The following SYT1 variants were observed in gnomAD, a reference collection of about 807,000 sequenced individuals.
SYT1 encodes synaptotagmin-1.
SYT1 carries 8 observed loss-of-function variants against 44.8 expected under a neutral mutation model. The ratio of observed to expected loss-of-function variants is 0.18; its 90% CI spans 0.10 to 0.32. The LOEUF is 0.32. SYT1 is among the 10% of genes least tolerant of loss of function. The pLI is 1.00. For missense variants in SYT1, 286 were observed against 509.3 expected, an observed-to-expected ratio of 0.56 and a Z score of 4.22; for synonymous variants, 154 against 188.8, an observed-to-expected ratio of 0.82 and a Z score of 1.51.
chr12:79,283,510 T>C (rs181512581), intron 4 of SYT1, among the ~76,000 whole-genome samples: 80 of 152,292 alleles, frequency 5.3e-4, no homozygotes, highest in African/African-American at 1.9e-3. Context: ...TAAGAGACTT[T>C]TATGTAGCTC....
At chr12:79,437,354 A>G (rs1458995097) in intron 9 of SYT1, among the ~76,000 whole-genome samples, 1 of 152,168 alleles carries the variant, frequency 6.6e-6, no homozygotes, top group South Asian at 2.1e-4. Context: ...GAAAGAGAGA[A>G]ATCACCAGAG....
chr12:79,090,876 T>C (rs1239629815), intron 3 of SYT1, among the ~76,000 whole-genome samples: 1 of 151,738 alleles, frequency 6.6e-6, no homozygotes, highest in Non-Finnish European at 1.5e-5. Flanking sequence ...TCAAAAAGAG[T>C]AGATGGTAAC....
rs376706533 is a variant in SYT1 at position 79,307,640 on chromosome 12, G to T, written c.810+8089G>T. On this transcript the variant is annotated intron_variant, in intron 8 of 10. Coordinates refer to ENST00000261205, the MANE Select transcript of SYT1 (RefSeq NM_005639.3). ...TGGGGGTGGGGGTGGGGGGGCGTGG[G>T]GGGGGGCGGCAGGAGGAGCCCGAAC... 8.0e-3 allele frequency among the ~76,000 whole-genome samples: 1,191 copies of T among 148,374 alleles called. 17 individuals carry two copies. The highest frequency in any genetic ancestry group is 0.029 in the African/African-American group (1,122 of 38,306).
intron 3 of SYT1, among the ~76,000 whole-genome samples, chr12:79,181,895 C>G (rs1447237235): frequency 6.6e-6 from 1 of 151,906 alleles, no homozygotes; most frequent in Non-Finnish European, 1.5e-5. Context: ...TTTTCTCTTT[C>G]TCCTAGACAA....
chr12:79,242,379 G>A (rs909971184), intron 4 of SYT1, among the ~76,000 whole-genome samples: 1 of 152,100 alleles, frequency 6.6e-6, no homozygotes, highest in Non-Finnish European at 1.5e-5. Flanking sequence ...GTCTACTTTG[G>A]ATTGTGTGAG....
chr12:79,392,632 A>T (rs1034785120), intron 9 of SYT1: 1 of 152,160 alleles, frequency 6.6e-6, no homozygotes, highest in Admixed American at 6.5e-5. Context: ...ACAAATGTTT[A>T]TGTCTGATGA....
intron 3 of SYT1, among the ~76,000 whole-genome samples, chr12:79,208,683 G>A (rs1198738331): frequency 2.0e-5 from 3 of 152,154 alleles, no homozygotes; most frequent in African/African-American, 7.2e-5. Flanking sequence ...TCTTAGGAAA[G>A]GCAGCTGGTG....
intron 3 of SYT1, among the ~76,000 whole-genome samples, chr12:79,168,369 G>T (rs906867945): frequency 5.9e-5 from 9 of 151,868 alleles, no homozygotes; most frequent in Non-Finnish European, 1.2e-4. Context: ...AAATGCTTGG[G>T]TCTCAAAAAA....
chr12:78,890,270 T>C (rs920108893), intron 1 of SYT1, among the ~76,000 whole-genome samples: 1 of 151,950 alleles, frequency 6.6e-6, no homozygotes, highest in African/African-American at 2.4e-5. Flanking sequence ...ACTCACATCA[T>C]CATATTAGAG....
intron 1 of SYT1, among the ~76,000 whole-genome samples, chr12:78,931,185 AAG>A (rs1565723084): frequency 0.02 from 435 of 21,368 alleles, 16 homozygotes; most frequent in African/African-American, 0.071. Context: ...AAGAAAAAGA[AAG>A]AAAGAAAGAA....
chr12:79,292,941 C>T (rs1413434077), intron 6 of SYT1, among the ~76,000 whole-genome samples: 4 of 152,038 alleles, frequency 2.6e-5, no homozygotes, highest in Non-Finnish European at 5.9e-5. Flanking sequence ...TGTTCCTCAC[C>T]TTCTGAATTG....
chr12:79,132,648 T>A (rs6539258), intron 3 of SYT1, among the ~76,000 whole-genome samples: 15,770 of 109,092 alleles, frequency 0.14, 966 homozygotes, highest in Middle Eastern at 0.19. Context: ...AGAATAGCCC[T>A]CATGGTCAAC....
At chr12:79,076,259 C>T (rs138331493) in intron 3 of SYT1, among the ~76,000 whole-genome samples, 2 of 151,934 alleles carry the variant, frequency 1.3e-5, no homozygotes, top group Non-Finnish European at 2.9e-5. Flanking sequence ...CTGGGTATAG[C>T]GAGGCACCTC....
intron 4 of SYT1, among the ~76,000 whole-genome samples, chr12:79,233,056 C>T (rs1875964589): frequency 6.6e-6 from 1 of 152,004 alleles, no homozygotes; most frequent in South Asian, 2.1e-4. Flanking sequence ...TTCTTTCCTC[C>T]TTGCCCCTGC....
chr12:79,017,255 T>G (rs1055858127), intron 2 of SYT1, among the ~76,000 whole-genome samples: 1 of 152,140 alleles, frequency 6.6e-6, no homozygotes. Context: ...ATTTTATACT[T>G]ACTTGTATTA....
chr12:79,210,697 T>G (rs1181299001), intron 3 of SYT1, among the ~76,000 whole-genome samples: 1 of 152,222 alleles, frequency 6.6e-6, no homozygotes, highest in African/African-American at 2.4e-5. Context: ...CGAATTGTGC[T>G]GCTATAAACA....
intron 8 of SYT1, among the ~76,000 whole-genome samples, chr12:79,320,359 C>G (rs1169747180): frequency 6.6e-6 from 1 of 152,288 alleles, no homozygotes; most frequent in Middle Eastern, 3.4e-3. Context: ...CCCAAATTAT[C>G]CTTTCTTGAA....
chr12:79,451,114 T>C lies in SYT1; in HGVS notation c.*1990T>C, dbSNP rs1472225574. 6.6e-6 allele frequency: 1 copy of C among 152,248 alleles called. No individual in the cohort carries two copies. The highest frequency in any genetic ancestry group is 2.4e-5 in the African/African-American group (1 of 41,464). The allele number at this position is 152,248 out of a possible 1,614,324, so 9.4% of individuals were successfully genotyped here. On this transcript the variant is annotated 3_prime_UTR_variant, in exon 11 of 11. Coordinates refer to ENST00000261205, the MANE Select transcript of SYT1 (RefSeq NM_005639.3). ...GGCTTTGAACATGGGGTTGGCTGTT[T>C]CCCAGTAAAACTGGAATTCCTGTCG...
chr12:79,307,983 G>A (rs1880498474), intron 8 of SYT1, among the ~76,000 whole-genome samples: 1 of 152,200 alleles, frequency 6.6e-6, no homozygotes, highest in African/African-American at 2.4e-5. Flanking sequence ...GAAATGAAAG[G>A]TGAACCTCAT....
Sources: allele counts gnomAD v4.1 joint callset (sites outside exome capture counted in the v4.1 genomes callset), GRCh38; gene constraint gnomAD v4.1.1; transcripts MANE v1.5; gene names NCBI Gene and HGNC (gene_info 2026-07-23, HGNC 2026-07-21).